The following AP4S1 variants were observed in gnomAD, a reference collection of about 807,000 sequenced individuals.
The protein encoded by AP4S1 is AP-4 complex subunit sigma-1.
In AP4S1, 23 loss-of-function variants were observed where a neutral mutation model predicts 19.8. The observed-to-expected ratio is 1.16, with a 90% confidence interval of 0.84 to 1.65. The LOEUF (loss-of-function observed/expected upper bound fraction) is 1.65, where lower values mean the gene tolerates loss of function less well. Among genes scored for constraint, AP4S1 ranks in the 40% most tolerant of loss-of-function variants. The pLI, the probability that AP4S1 is intolerant of heterozygous loss-of-function variation, is 0.00. For missense variants in AP4S1, 166 were observed against 172.8 expected (o/e 0.96, Z 0.22); for synonymous variants, 46 against 54.1 (o/e 0.85, Z 0.66).
intron 1 of AP4S1, among the ~76,000 whole-genome samples, chr14:31,065,396 G>A (rs1456704817): frequency 1.3e-5 from 2 of 152,086 alleles, no homozygotes; most frequent in Admixed American, 6.6e-5. Flanking sequence ...CTATGGAAGC[G>A]GACCTGTCCC....
intron 1 of AP4S1, among the ~76,000 whole-genome samples, chr14:31,059,156 T>C (rs983068163): frequency 1.7e-4 from 26 of 152,220 alleles, no homozygotes; most frequent in African/African-American, 5.8e-4. Context: ...TTCTCTAGTT[T>C]TTTACCACTG....
At chr14:31,064,756 A>G (rs1886623990) in intron 1 of AP4S1, among the ~76,000 whole-genome samples, 1 of 152,246 alleles carries the variant, frequency 6.6e-6, no homozygotes, top group Non-Finnish European at 1.5e-5. Context: ...TAAGTGTTCA[A>G]GAACGGCTGG....
intron 1 of AP4S1, among the ~76,000 whole-genome samples, chr14:31,064,565 G>A (rs1013073466): frequency 3.3e-5 from 5 of 152,084 alleles, no homozygotes; most frequent in Admixed American, 6.6e-5. Flanking sequence ...CAAATGATCC[G>A]TCTGTGTTGG....
intron 5 of AP4S1, among the ~76,000 whole-genome samples, chr14:31,083,152 C>T (rs1159216062): frequency 2.6e-5 from 4 of 152,018 alleles, no homozygotes; most frequent in East Asian, 3.9e-4. Flanking sequence ...GTCTTTGTAG[C>T]CTTCTGGTGT....
chr14:31,043,306 G>C (rs1201184991), intron 1 of AP4S1, among the ~76,000 whole-genome samples: 2 of 151,910 alleles, frequency 1.3e-5, no homozygotes, highest in Non-Finnish European at 2.9e-5. Context: ...TTTGTTGAGT[G>C]ACTCAAGACT....
intron 3 of AP4S1, among the ~76,000 whole-genome samples, chr14:31,071,922 AT>A (rs60189766): frequency 1.3e-4 from 20 of 148,582 alleles, no homozygotes; most frequent in African/African-American, 5.0e-4. Context: ...TATTTATTTG[AT>A]TTTTTTTGGG....
chr14:31,038,215 C>T (rs1453346378), intron 1 of AP4S1, among the ~76,000 whole-genome samples: 1 of 152,078 alleles, frequency 6.6e-6, no homozygotes, highest in Non-Finnish European at 1.5e-5. Flanking sequence ...GCTCAACTTT[C>T]TAAAAGAGAA....
chr14:31,036,203 A>G (rs1884766178), intron 1 of AP4S1, among the ~76,000 whole-genome samples: 1 of 152,100 alleles, frequency 6.6e-6, no homozygotes, highest in Non-Finnish European at 1.5e-5. Flanking sequence ...ATAATTTAAT[A>G]ATTTGTTCAA....
At chr14:31,081,992 C>T (rs781399106) in intron 5 of AP4S1, among the ~76,000 whole-genome samples, 16 of 152,024 alleles carry the variant, frequency 1.1e-4, no homozygotes, top group African/African-American at 2.9e-4. Context: ...CCACCACGTC[C>T]GGCCTAATTT....
At chr14:31,091,008 T>C (rs1170518973) in intron 5 of AP4S1, among the ~76,000 whole-genome samples, 1 of 152,246 alleles carries the variant, frequency 6.6e-6, no homozygotes, top group Non-Finnish European at 1.5e-5. Flanking sequence ...GGAAATTGAC[T>C]TGCTGGAGGA....
At chr14:31,082,371 A>C (rs941931588) in intron 5 of AP4S1, among the ~76,000 whole-genome samples, 2 of 152,190 alleles carry the variant, frequency 1.3e-5, no homozygotes, top group African/African-American at 4.8e-5. Context: ...GTAATATTCT[A>C]TCTGAATTAA....
At chr14:31,054,371 C>CA (rs201639673) in intron 1 of AP4S1, among the ~76,000 whole-genome samples, 1 of 152,124 alleles carries the variant, frequency 6.6e-6, no homozygotes, top group Non-Finnish European at 1.5e-5. Context: ...CCCGTGTCTA[C>CA]AAAAAATTTT....
intron 1 of AP4S1, among the ~76,000 whole-genome samples, chr14:31,057,289 CT>C (rs1303130395): frequency 6.6e-6 from 1 of 152,140 alleles, no homozygotes; most frequent in Non-Finnish European, 1.5e-5. Context: ...CCACTCCCTG[CT>C]TCCTAACCTA....
At chr14:31,088,183 C>T (rs1308160226) in intron 5 of AP4S1, among the ~76,000 whole-genome samples, 1 of 152,140 alleles carries the variant, frequency 6.6e-6, no homozygotes, top group African/African-American at 2.4e-5. Context: ...TTTTGGCTCC[C>T]ACTAGCCTTG....
intron 1 of AP4S1, among the ~76,000 whole-genome samples, chr14:31,030,355 T>C (rs1440453215): frequency 6.6e-6 from 1 of 152,112 alleles, no homozygotes; most frequent in Non-Finnish European, 1.5e-5. Flanking sequence ...ACATAGTGAG[T>C]ACTCAATTTT....
chr14:31,055,730 G>C (rs896760773), intron 1 of AP4S1, among the ~76,000 whole-genome samples: 14 of 151,564 alleles, frequency 9.2e-5, no homozygotes, highest in African/African-American at 2.7e-4. Flanking sequence ...CTTAGTGTTT[G>C]TGTGTGTATT....
chr14:31,033,252 C>T (rs1884516324), intron 1 of AP4S1, among the ~76,000 whole-genome samples: 1 of 151,696 alleles, frequency 6.6e-6, no homozygotes, highest in Non-Finnish European at 1.5e-5. Flanking sequence ...CTCGCTCTGT[C>T]ACCCAGGCTG....
rs1885147419 is a variant in AP4S1, at chr14:31,042,176, C to G, written c.-72+16389C>G. ...AATAAATTACCCTTGGCACTAAAACCAAATAAAAGAAAGATAATTTTAGAA... is the reference window on the plus strand; with the variant it reads ...AATAAATTACCCTTGGCACTAAAACGAAATAAAAGAAAGATAATTTTAGAA... On this transcript the variant is annotated intron_variant, in intron 1 of 5. Coordinates refer to ENST00000542754, the MANE Select transcript of AP4S1 (RefSeq NM_001128126.3). 5.3e-5 allele frequency among the ~76,000 whole-genome samples: 8 copies of G among 152,222 alleles called. No homozygotes were observed. In the South Asian group the frequency reaches 1.7e-3, roughly 32 times the overall value.
chr14:31,079,807 C>A (rs1887544664), intron 4 of AP4S1, among the ~76,000 whole-genome samples: 1 of 152,096 alleles, frequency 6.6e-6, no homozygotes, highest in Non-Finnish European at 1.5e-5. Context: ...GCCTGGGCGA[C>A]AGACTGACTC....
Sources: gnomAD v4.1 joint callset for allele counts (sites outside exome capture counted in the v4.1 genomes callset) on GRCh38, gnomAD v4.1.1 for gene constraint, MANE v1.5 for transcripts, NCBI Gene and HGNC (gene_info 2026-07-23, HGNC 2026-07-21) for gene names.